UGT1A3: variants seen among roughly 807,000 people sequenced by gnomAD.
UGT1A3 encodes UDP-glucuronosyltransferase 1A3.
Under a neutral mutation model 41.0 loss-of-function variants are expected in UGT1A3, and 31 were observed. The observed-to-expected ratio is 0.76, with a 90% CI of 0.57 to 1.02. The LOEUF (loss-of-function observed/expected upper bound fraction) is 1.02. Ranked by LOEUF, UGT1A3 falls within the 50% of genes least tolerant of loss-of-function variation. The pLI is 0.00. For synonymous variants in UGT1A3, 262 were observed against 257.6 expected, an observed-to-expected ratio of 1.02 and a Z score of -0.17; for missense variants, 737 against 671.0, an observed-to-expected ratio of 1.10 and a Z score of -1.09.
intron 1 of UGT1A3, among the ~76,000 whole-genome samples, chr2:233,756,714 T>C (rs1696309930): frequency 6.6e-6 from 1 of 152,188 alleles, no homozygotes. Flanking sequence ...GGGACTTTTT[T>C]TGAGATCTGA....
intron 1 of UGT1A3, among the ~76,000 whole-genome samples, chr2:233,765,979 GCTC>G (rs2126021756): frequency 6.6e-6 from 1 of 152,256 alleles, no homozygotes; most frequent in Middle Eastern, 3.4e-3. Flanking sequence ...GATGTTTACA[GCTC>G]CTGAAGCTCC....
chr2:233,747,872 G>C, intron 1 of UGT1A3: 5 of 1,613,496 alleles, frequency 3.1e-6, no homozygotes, highest in Non-Finnish European at 4.2e-6. Context: ...CTCTGGCCCT[G>C]TCCTACCTTT....
intron 3 of UGT1A3, 91 bp from the exon 4 acceptor site, chr2:233,768,129 T>C: frequency 1.2e-6 from 2 of 1,606,026 alleles, no homozygotes; most frequent in East Asian, 4.5e-5. Context: ...TGAGTAACAC[T>C]GAGTCTTTGG....
rs371639452 is a variant in UGT1A3 at position 233,765,570 on chromosome 2, C to T, written c.868-1464C>T. 3.9e-5 allele frequency among the ~76,000 whole-genome samples: 6 copies of T among 151,906 alleles called. No individual in the cohort carries two copies. In the South Asian group the frequency reaches 1.0e-3, roughly 26 times the overall value. ...GAGTTGAACAGTGAGAATGCGTAGACGCAGGGAGGGGAACAACACACACCA... is the reference window on the plus strand; with the variant it reads ...GAGTTGAACAGTGAGAATGCGTAGATGCAGGGAGGGGAACAACACACACCA... On this transcript the variant is annotated intron_variant, in intron 1 of 4. Coordinates refer to ENST00000482026, the MANE Select transcript of UGT1A3 (RefSeq NM_019093.4).
At chr2:233,748,721 A>G (rs555676494) in intron 1 of UGT1A3, among the ~76,000 whole-genome samples, 1 of 151,762 alleles carries the variant, frequency 6.6e-6, no homozygotes, top group East Asian at 1.9e-4. Context: ...CTGGTGCATG[A>G]TGTGGGGACA....
chr2:233,747,611 T>C (rs529621956), intron 1 of UGT1A3: 1 of 1,574,810 alleles, frequency 6.3e-7, no homozygotes, highest in African/African-American at 1.4e-5. Flanking sequence ...AGCTACTGCA[T>C]AATGAGGCCC....
At chr2:233,746,832 T>C (rs1693484231) in intron 1 of UGT1A3, among the ~76,000 whole-genome samples, 1 of 151,782 alleles carries the variant, frequency 6.6e-6, no homozygotes, top group Admixed American at 6.5e-5. Context: ...CCTACCACTG[T>C]TGGGGACCTC....
At chr2:233,743,962 C>G (rs189644754) in intron 1 of UGT1A3, 1 of 1,331,618 alleles carries the variant, frequency 7.5e-7, no homozygotes, top group Non-Finnish European at 1.0e-6. Flanking sequence ...CAGCGAGCGG[C>G]AAGGCTGCCA....
At chr2:233,755,243 T>G (rs1026667908) in intron 1 of UGT1A3, 19 of 851,916 alleles carry the variant, frequency 2.2e-5, no homozygotes, top group African/African-American at 5.1e-5. Flanking sequence ...ACCGGGGTAC[T>G]CCCAGCACCT....
In UGT1A3 at chr2:233,760,715, G is replaced by A. The variant is rs1559407347; in HGVS notation, c.868-6319G>A. ...GAGCTCATGGCCTCCCTGGCAGAAA[G>A]CAGCTTTGATGTCATGCTGACGGAC... is the stretch of plus-strand genomic sequence containing the variant. On this transcript the variant is annotated intron_variant, in intron 1 of 4. Transcript: ENST00000482026. The A allele has an allele frequency of 1.2e-6, 2 of 1,614,196 alleles. No individual in the cohort carries two copies. The highest frequency in any genetic ancestry group is 1.3e-5 in the African/African-American group (1 of 75,042).
intron 1 of UGT1A3, among the ~76,000 whole-genome samples, chr2:233,751,824 C>T (rs377308595): frequency 8.3e-4 from 127 of 152,144 alleles, no homozygotes; most frequent in African/African-American, 2.9e-3. Context: ...GCCTCCCCAG[C>T]CATGTGGAAC....
At chr2:233,768,775 G>A (rs577472067) in intron 4 of UGT1A3, among the ~76,000 whole-genome samples, 18 of 151,802 alleles carry the variant, frequency 1.2e-4, no homozygotes, top group Admixed American at 9.2e-4. Flanking sequence ...GTAGAGAAAG[G>A]GTTTCACCAT....
At chr2:233,740,578 C>T (rs1384729734) in intron 1 of UGT1A3, 2 of 151,846 alleles carry the variant, frequency 1.3e-5, no homozygotes, top group South Asian at 4.1e-4. Flanking sequence ...TTTTTTGGGA[C>T]CCTAATGAAA....
At chr2:233,738,677 A>G (rs1328958529) in intron 1 of UGT1A3, among the ~76,000 whole-genome samples, 1 of 152,198 alleles carries the variant, frequency 6.6e-6, no homozygotes, top group African/African-American at 2.4e-5. Context: ...AGATGATCTG[A>G]AATTGGAACT....
At chr2:233,767,824 G>A (rs201092075) in intron 2 of UGT1A3, 25 bp from the exon 3 acceptor site, 82 of 1,614,024 alleles carry the variant, frequency 5.1e-5, no homozygotes, top group East Asian at 2.7e-4. Flanking sequence ...CTTTCTTTAC[G>A]TTCTGCTCTT....
In UGT1A3 at chr2:233,772,332, G is replaced by A. The variant is rs1201825340; in HGVS notation, c.1378G>A (p.Val460Met). 10 of 1,614,084 alleles carry A rather than the reference G, an allele frequency of 6.2e-6. No individual in the cohort carries two copies. Among genetic ancestry groups the A allele is most frequent in the East Asian group, 2.2e-5 (1 of 44,892 alleles). ...DRPVEPLDLAVFWVEFVMRHK... is the reference protein window; with the variant it reads ...DRPVEPLDLAMFWVEFVMRHK... ...CCCGGTGGAGCCGCTGGACCTGGCC[G>A]TGTTCTGGGTGGAGTTTGTGATGAG... The change falls in exon 5 of 5, where the codon GTG becomes ATG. Residue 460 changes from valine (V) to methionine (M), a missense_variant. Physicochemically the swap from Val to Met is conservative, Grantham distance 21 (BLOSUM62 1). Transcript: ENST00000482026.
In UGT1A3 at chr2:233,769,538, C is replaced by A; in HGVS notation, c.1307+1099C>A. 6.2e-7 allele frequency: 1 copy of A among 1,612,838 alleles called. No homozygotes were observed. Among genetic ancestry groups the A allele is most frequent in the Non-Finnish European group, 8.5e-7 (1 of 1,179,878 alleles). ...CATGGTTACCTCCTTTAGAAAGAAGCAGCAGTCAGGAAGACAGATGTGAAG... is the reference window on the plus strand; with the variant it reads ...CATGGTTACCTCCTTTAGAAAGAAGAAGCAGTCAGGAAGACAGATGTGAAG... On this transcript the variant is annotated intron_variant, in intron 4 of 4. Coordinates refer to ENST00000482026, the MANE Select transcript of UGT1A3 (RefSeq NM_019093.4). The surrounding 1 kb of genome is among the most constrained non-coding windows in gnomAD (Gnocchi z 4.4).
rs1335672104 is a variant in UGT1A3, at chr2:233,729,392, T to A, written c.266T>A (p.Phe89Tyr). ...GCCATTTCGTGGACCCAGGATGAAT[T>A]TGATCGCCATGTGCTGGGCCACACT... The part of the protein sequence containing the change: ...TYAISWTQDE[F>Y]DRHVLGHTQL... The change falls in exon 1 of 5, where the codon TTT becomes TAT. Residue 89 changes from phenylalanine (F) to tyrosine (Y), a missense_variant. Physicochemically the swap from Phe to Tyr is conservative, Grantham distance 22 (BLOSUM62 3). Transcript: ENST00000482026. The A allele has an allele frequency of 6.2e-7, 1 of 1,613,876 alleles. No homozygotes were observed. The highest frequency in any genetic ancestry group is 8.5e-7 in the Non-Finnish European group (1 of 1,179,820).
At chr2:233,732,951 G>A (rs1167941280) in intron 1 of UGT1A3, among the ~76,000 whole-genome samples, 3 of 152,104 alleles carry the variant, frequency 2.0e-5, no homozygotes, top group Admixed American at 6.5e-5. Context: ...AGCATGGAAT[G>A]TTCTTCCATT....
Sources: gnomAD v4.1 joint callset for allele counts (sites outside exome capture counted in the v4.1 genomes callset) on GRCh38, gnomAD v4.1.1 for gene constraint, Gnocchi (gnomAD v3.1) non-coding constraint, MANE v1.5 for transcripts, NCBI Gene and HGNC (gene_info 2026-07-23, HGNC 2026-07-21) for gene names.